WDPCP: variants seen among roughly 807,000 people sequenced by gnomAD.
WDPCP encodes the protein WD repeat containing planar cell polarity effector.
WDPCP carries 71 observed loss-of-function variants against 93.1 expected under a neutral mutation model. That is an observed-to-expected ratio of 0.76 (90% confidence interval 0.63 to 0.93). WDPCP has a LOEUF of 0.93. Ranked by LOEUF, WDPCP falls within the 40% of genes least tolerant of loss-of-function variation. The pLI is 0.00. For synonymous variants in WDPCP, 315 were observed against 315.0 expected (o/e 1.00, Z 0.00); for missense variants, 844 against 887.4 (o/e 0.95, Z 0.62).
At chr2:63,463,388 T>C (rs1346415894) in intron 6 of WDPCP, among the ~76,000 whole-genome samples, 1 of 151,978 alleles carries the variant, frequency 6.6e-6, no homozygotes, top group Non-Finnish European at 1.5e-5. Context: ...TGTTGAGAAA[T>C]CTGATTTGGA....
At position 63,660,904 on chromosome 2, in the gene WDPCP, A is replaced by G. The variant is rs7603952; in HGVS notation, n.309-10066T>C. 4.6e-5 allele frequency among the ~76,000 whole-genome samples: 7 copies of G among 152,338 alleles called. No homozygotes were observed. The South Asian group carries it at 1.4e-3, about 32-fold the overall frequency. On this transcript the variant is annotated intron_variant and non_coding_transcript_variant, in intron 2 of 4. Coordinates refer to the WDPCP transcript ENST00000467687. ...TATTTTTTCCTTATCACTAAACATG[A>G]CCATTTAATGACATTATTTGATAAA...
chr2:63,226,807 ACTT>A (rs1392425327), intron 14 of WDPCP, among the ~76,000 whole-genome samples: 3 of 151,912 alleles, frequency 2.0e-5, no homozygotes, highest in African/African-American at 7.2e-5. Context: ...AACTTGTTTT[ACTT>A]CTTTCTTGGA....
Position 63,604,804 on chromosome 2 carries a change from C to A in WDPCP, n.488+45855G>T, listed in dbSNP as rs372478225. 1.9e-6 allele frequency: 3 copies of A among 1,614,006 alleles called. No individual in the cohort carries two copies. In the African/African-American group the frequency reaches 4.0e-5, roughly 22 times the overall value. On this transcript the variant is annotated intron_variant and non_coding_transcript_variant, in intron 3 of 4. Coordinates refer to the WDPCP transcript ENST00000467687. ...TGTCAACCATGCCAAGGTGAAATTG[C>A]AAGGAAAGGAAGTTGGTGTTTATGA... is the stretch of plus-strand genomic sequence containing the variant.
intron 13 of WDPCP, among the ~76,000 whole-genome samples, chr2:63,264,155 T>A (rs1681895069): frequency 6.6e-6 from 1 of 152,228 alleles, no homozygotes; most frequent in Non-Finnish European, 1.5e-5. Context: ...AACAGACTAG[T>A]GGACTATGTT....
intron 1 of WDPCP, among the ~76,000 whole-genome samples, chr2:63,563,308 C>T (rs953230720): frequency 1.5e-4 from 22 of 151,586 alleles, no homozygotes; most frequent in South Asian, 2.1e-4. Context: ...ACATATGGAA[C>T]GTATAACAAG....
At chr2:63,518,564 T>G (rs1702706950) in intron 1 of WDPCP, 1 of 152,370 alleles carries the variant, frequency 6.6e-6, no homozygotes, top group African/African-American at 2.4e-5. Flanking sequence ...GGGTTTGGTG[T>G]GGGAACATCT....
chr2:63,644,687 C>T (rs1477461786), intron 3 of WDPCP, among the ~76,000 whole-genome samples: 1 of 152,130 alleles, frequency 6.6e-6, no homozygotes, highest in Non-Finnish European at 1.5e-5. Flanking sequence ...AATCTTGTCA[C>T]CTGTTATTGG....
At chr2:63,801,739 C>T (rs943942288) in intron 2 of WDPCP, among the ~76,000 whole-genome samples, 1 of 152,196 alleles carries the variant, frequency 6.6e-6, no homozygotes, top group Non-Finnish European at 1.5e-5. Flanking sequence ...GTTTTACAAT[C>T]CTCCTGCAAG....
At chr2:63,510,949 C>G (rs979599154) in intron 1 of WDPCP, among the ~76,000 whole-genome samples, 5 of 152,104 alleles carry the variant, frequency 3.3e-5, no homozygotes, top group Non-Finnish European at 2.9e-5. Flanking sequence ...ACACTCCAGC[C>G]TGGATGACAG....
chr2:63,665,937 C>T (rs1386049303), intron 2 of WDPCP, among the ~76,000 whole-genome samples: 1 of 152,242 alleles, frequency 6.6e-6, no homozygotes, highest in African/African-American at 2.4e-5. Context: ...GGTGGTGTCA[C>T]TTCCTACGTG....
At chr2:63,757,438 G>A (rs1346974543) in intron 2 of WDPCP, among the ~76,000 whole-genome samples, 1 of 152,150 alleles carries the variant, frequency 6.6e-6, no homozygotes, top group Non-Finnish European at 1.5e-5. Flanking sequence ...TTTCACAGGT[G>A]TAAGTAGGAT....
At chr2:63,359,068 T>C (rs1403637945) in intron 12 of WDPCP, among the ~76,000 whole-genome samples, 2 of 152,072 alleles carry the variant, frequency 1.3e-5, no homozygotes, top group Non-Finnish European at 2.9e-5. Context: ...TCTCTTTCCT[T>C]CCCTCCCTTC....
Position 63,351,956 on chromosome 2 carries a change from C to T in WDPCP, c.1748+26430G>A, listed in dbSNP as rs1488655811. 2.6e-5 allele frequency among the ~76,000 whole-genome samples: 4 copies of T among 152,036 alleles called. No homozygotes were observed. In the East Asian group the frequency reaches 7.7e-4, roughly 29 times the overall value. On this transcript the variant is annotated intron_variant, in intron 12 of 17. Transcript: ENST00000272321. ...CTGTTGTTTTCTGACTTTTTAATAC[C>T]AGCCATTCTGATTGGTGTGAGATGG...
intron 12 of WDPCP, among the ~76,000 whole-genome samples, chr2:63,324,917 C>G (rs1489746868): frequency 1.3e-5 from 2 of 152,216 alleles, no homozygotes; most frequent in Non-Finnish European, 2.9e-5. Context: ...CTGCTTTCCT[C>G]AAGTGGCTAC....
intron 2 of WDPCP, among the ~76,000 whole-genome samples, chr2:63,672,666 G>C (rs1352562891): frequency 6.6e-6 from 1 of 151,282 alleles, no homozygotes; most frequent in African/African-American, 2.4e-5. Flanking sequence ...GTCTCACTCT[G>C]TTGTCCAGGC....
chr2:63,672,360 C>G (rs1454109266), intron 2 of WDPCP, among the ~76,000 whole-genome samples: 1 of 152,164 alleles, frequency 6.6e-6, no homozygotes, highest in East Asian at 1.9e-4. Context: ...AGAAGCATTA[C>G]TTTAATGAGC....
In WDPCP at chr2:63,808,882, C is replaced by T. The variant is rs367902316; in HGVS notation, n.308+4740G>A. The stretch of plus-strand genomic sequence containing the variant: ...GAGCGTCTCTGCCCGGCCGCCATCC[C>T]ATCTAGGAAATGAGGAGCGCCTCTT... On this transcript the variant is annotated intron_variant and non_coding_transcript_variant, in intron 2 of 4. Transcript: ENST00000467687. Among the ~76,000 whole-genome samples, 21 of 152,040 alleles carry T rather than the reference C, an allele frequency of 1.4e-4. No individual in the cohort carries two copies. In the East Asian group the frequency reaches 3.3e-3, roughly 24 times the overall value.
At chr2:63,176,021 G>A (rs548428494) in intron 14 of WDPCP, among the ~76,000 whole-genome samples, 1 of 152,124 alleles carries the variant, frequency 6.6e-6, no homozygotes, top group South Asian at 2.1e-4. Flanking sequence ...TTTCATTGTG[G>A]TTCACCATTT....
chr2:63,673,209 A>G (rs1182631710), intron 2 of WDPCP, among the ~76,000 whole-genome samples: 1 of 152,186 alleles, frequency 6.6e-6, no homozygotes, highest in East Asian at 1.9e-4. Context: ...AGTATAGAGG[A>G]GATACCAAAC....
Sources: gnomAD v4.1 joint callset for allele counts (sites outside exome capture counted in the v4.1 genomes callset) on GRCh38, gnomAD v4.1.1 for gene constraint, MANE v1.5 for transcripts, NCBI Gene and HGNC (gene_info 2026-07-23, HGNC 2026-07-21) for gene names.